Variants in MLLT3 observed in about 807,000 individuals in gnomAD.
MLLT3 encodes the protein protein AF-9.
Under a neutral mutation model 53.2 loss-of-function variants are expected in MLLT3, and 4 were observed. The ratio of observed to expected loss-of-function variants is 0.08; its 90% CI spans 0.04 to 0.17. The LOEUF (loss-of-function observed/expected upper bound fraction) is 0.17. MLLT3 is among the 10% of genes least tolerant of loss of function. The pLI, the probability that MLLT3 is intolerant of heterozygous loss-of-function variation, is 1.00. For synonymous variants in MLLT3, 283 were observed against 230.6 expected, an observed-to-expected ratio of 1.23 and a Z score of -2.06; for missense variants, 569 against 684.0, an observed-to-expected ratio of 0.83 and a Z score of 1.87.
chr9:20,410,989 C>T (rs1045744611), intron 5 of MLLT3, among the ~76,000 whole-genome samples: 1 of 152,108 alleles, frequency 6.6e-6, no homozygotes, highest in Non-Finnish European at 1.5e-5. Context: ...CAAATGAATA[C>T]GAATCTGGCT....
chr9:20,349,382 T>G (rs1004262191), intron 10 of MLLT3, among the ~76,000 whole-genome samples: 5 of 152,336 alleles, frequency 3.3e-5, no homozygotes, highest in African/African-American at 1.2e-4. Context: ...AAACTGATCC[T>G]TAATTATCTG....
chr9:20,588,054 A>G (rs1157220731), intron 2 of MLLT3, among the ~76,000 whole-genome samples: 10 of 150,758 alleles, frequency 6.6e-5, no homozygotes, highest in African/African-American at 2.4e-4. Context: ...TCAGCTTTCT[A>G]CATATGGCTA....
chr9:20,554,049 A>G (rs936576654), intron 2 of MLLT3, among the ~76,000 whole-genome samples: 4 of 152,126 alleles, frequency 2.6e-5, no homozygotes, highest in African/African-American at 9.7e-5. Flanking sequence ...TCCACATAAG[A>G]ATTTTCCTTT....
chr9:20,427,590 AG>A (rs1199429424), intron 4 of MLLT3, among the ~76,000 whole-genome samples: 5 of 152,020 alleles, frequency 3.3e-5, no homozygotes, highest in Non-Finnish European at 5.9e-5. Context: ...AGATAAACCA[AG>A]TATAGTATAA....
At chr9:20,563,586 A>G (rs190655211) in intron 2 of MLLT3, among the ~76,000 whole-genome samples, 132 of 152,180 alleles carry the variant, frequency 8.7e-4, no homozygotes, top group African/African-American at 3.0e-3. Flanking sequence ...AAGCATAAAT[A>G]CTGCTTTTCT....
intron 2 of MLLT3, among the ~76,000 whole-genome samples, chr9:20,468,430 C>T (rs1016341381): frequency 2.6e-5 from 4 of 152,136 alleles, no homozygotes; most frequent in Non-Finnish European, 4.4e-5. Flanking sequence ...AGTGAGGCCA[C>T]ACTAATCAGC....
intron 2 of MLLT3, among the ~76,000 whole-genome samples, chr9:20,514,991 G>A (rs1417559706): frequency 6.8e-6 from 1 of 146,666 alleles, no homozygotes. Flanking sequence ...CTGTTGCCCG[G>A]GCTGGAGTGC....
At chr9:20,530,785 C>T (rs564843642) in intron 2 of MLLT3, among the ~76,000 whole-genome samples, 38 of 152,214 alleles carry the variant, frequency 2.5e-4, no homozygotes, top group Non-Finnish European at 5.0e-4. Flanking sequence ...GCATGCACCA[C>T]GACATGGATA....
At chr9:20,348,229 A>G (rs964058279) in intron 10 of MLLT3, among the ~76,000 whole-genome samples, 1 of 151,786 alleles carries the variant, frequency 6.6e-6, no homozygotes. Context: ...TTATTCCTTA[A>G]TTTTTTTTTA....
intron 2 of MLLT3, among the ~76,000 whole-genome samples, chr9:20,601,742 A>T (rs1347896326): frequency 6.6e-6 from 1 of 152,222 alleles, no homozygotes; most frequent in East Asian, 1.9e-4. Flanking sequence ...GAGAAAATGA[A>T]GCAATTTGCA....
At chr9:20,440,579 C>T (rs1395224073) in intron 4 of MLLT3, among the ~76,000 whole-genome samples, 1 of 152,146 alleles carries the variant, frequency 6.6e-6, no homozygotes, top group Non-Finnish European at 1.5e-5. Flanking sequence ...GGCATCTGCA[C>T]TCACAGACAA....
At chr9:20,387,089 T>C (rs1175076378) in intron 5 of MLLT3, among the ~76,000 whole-genome samples, 1 of 152,246 alleles carries the variant, frequency 6.6e-6, no homozygotes. Context: ...TCGGATCCTC[T>C]ATAGCAAGAG....
intron 4 of MLLT3, among the ~76,000 whole-genome samples, chr9:20,430,708 C>T (rs2118814062): frequency 6.6e-6 from 1 of 152,026 alleles, no homozygotes; most frequent in East Asian, 1.9e-4. Context: ...GGAGAATATA[C>T]TAAATGGGAC....
intron 2 of MLLT3, among the ~76,000 whole-genome samples, chr9:20,614,735 T>C (rs1040396927): frequency 3.3e-5 from 5 of 152,184 alleles, no homozygotes; most frequent in Non-Finnish European, 5.9e-5. Context: ...CCAGCTTCTA[T>C]GACATCTCTT....
chr9:20,410,751 G>C (rs1359386722), intron 5 of MLLT3: 1 of 152,082 alleles, frequency 6.6e-6, no homozygotes, highest in Admixed American at 6.5e-5. Context: ...TATAAAACCT[G>C]AGTAGAATTT....
intron 2 of MLLT3, among the ~76,000 whole-genome samples, chr9:20,553,516 A>G (rs1587062612): frequency 6.6e-6 from 1 of 152,192 alleles, no homozygotes; most frequent in South Asian, 2.1e-4. Context: ...CACTCATTCA[A>G]CAAACACACT....
At chr9:20,557,693 C>G (rs747566164) in intron 2 of MLLT3, among the ~76,000 whole-genome samples, 3 of 152,138 alleles carry the variant, frequency 2.0e-5, no homozygotes, top group African/African-American at 2.4e-5. Context: ...GAATATAATA[C>G]GGTCCATAAA....
chr9:20,546,166 G>A lies in MLLT3; in HGVS notation c.193+74488C>T, dbSNP rs554413546. ...ACATGAACTCCCAACACACAGGAAC[G>A]TAGGAGTTTATCAAAATGCTTCCAA... On this transcript the variant is annotated intron_variant, in intron 2 of 10. Transcript: ENST00000380338. 5.7e-4 allele frequency among the ~76,000 whole-genome samples: 87 copies of A among 152,202 alleles called. 1 individual carries two copies. Among genetic ancestry groups the A allele is most frequent in the East Asian group, 1.9e-4 (1 of 5,202 alleles).
chr9:20,540,789 C>T (rs140025392), intron 2 of MLLT3, among the ~76,000 whole-genome samples: 12 of 152,330 alleles, frequency 7.9e-5, no homozygotes, highest in Non-Finnish European at 1.6e-4. Context: ...TTTACTAATG[C>T]AAATTTCTGC....
Sources: gnomAD v4.1 joint callset for allele counts (sites outside exome capture counted in the v4.1 genomes callset) on GRCh38, gnomAD v4.1.1 for gene constraint, MANE v1.5 for transcripts, NCBI Gene and HGNC (gene_info 2026-07-23, HGNC 2026-07-21) for gene names.